LIPA: variants seen among roughly 807,000 people sequenced by gnomAD.
LIPA encodes lysosomal acid lipase/cholesteryl ester hydrolase.
A neutral mutation model predicts 40.6 loss-of-function variants in LIPA; 26 were observed. That is an observed-to-expected ratio of 0.64 (90% CI 0.47 to 0.89). The LOEUF (loss-of-function observed/expected upper bound fraction) is 0.89, where lower values mean the gene tolerates loss of function less well. Ranked by LOEUF, LIPA falls within the 40% of genes least tolerant of loss-of-function variation. LIPA has a pLI of 0.00. For synonymous variants in LIPA, 188 were observed against 168.4 expected (o/e 1.12, Z -0.90); for missense variants, 455 against 479.6 (o/e 0.95, Z 0.48).
At chr10:89,259,026 G>T (rs114370345) in intron 1 of LIPA, among the ~76,000 whole-genome samples, 250 of 152,348 alleles carry the variant, frequency 1.6e-3, no homozygotes, top group African/African-American at 5.7e-3. Flanking sequence ...ATTAGTAGTT[G>T]CCTAGGGATG....
intron 1 of LIPA, among the ~76,000 whole-genome samples, chr10:89,257,102 A>C (rs1016975530): frequency 6.6e-6 from 1 of 152,228 alleles, no homozygotes; most frequent in African/African-American, 2.4e-5. Context: ...GGCTACGAGG[A>C]TCAATAACAA....
chr10:89,280,226 T>A (rs1309762566), intron 1 of LIPA, among the ~76,000 whole-genome samples: 1 of 152,062 alleles, frequency 6.6e-6, no homozygotes, highest in Non-Finnish European at 1.5e-5. Context: ...TACTGATGAA[T>A]TTATAATATA....
chr10:89,386,554 T>A (rs563995938), intron 2 of LIPA, among the ~76,000 whole-genome samples: 4 of 152,326 alleles, frequency 2.6e-5, no homozygotes, highest in Admixed American at 1.3e-4. Flanking sequence ...GAGATTTGCC[T>A]CCATTCATGG....
intron 3 of LIPA, among the ~76,000 whole-genome samples, chr10:89,241,244 G>A (rs185577974): frequency 4.3e-4 from 65 of 152,286 alleles, no homozygotes; most frequent in African/African-American, 1.5e-3. Context: ...TATGAGATAA[G>A]CTGTACAGCT....
upstream of LIPA, among the ~76,000 whole-genome samples, chr10:89,253,308 C>A (rs1305829497): frequency 1.3e-5 from 2 of 152,216 alleles, no homozygotes; most frequent in African/African-American, 2.4e-5. Context: ...CACAGTTTCA[C>A]AGGACTGGGG....
chr10:89,295,006 G>C (rs1448572504), intron 1 of LIPA, among the ~76,000 whole-genome samples: 2 of 131,880 alleles, frequency 1.5e-5, no homozygotes, highest in African/African-American at 5.6e-5. Context: ...AGGAAGAAAG[G>C]AAAGGAAATG....
chr10:89,413,889 T>C lies in LIPA; in HGVS notation c.-72+518A>G, dbSNP rs369134678. On this transcript the variant is annotated intron_variant, in intron 1 of 8. Transcript: ENST00000371837. ...GTGTCTGTTTTCTTTATTGTTATAT[T>C]GACAGTACTTTGAACAAAGTCTGGC... 1.8e-4 allele frequency among the ~76,000 whole-genome samples: 28 copies of C among 152,370 alleles called. No homozygotes were observed. In the East Asian group the frequency reaches 5.4e-3, roughly 29 times the overall value.
chr10:89,303,597 G>T (rs755203830), intron 1 of LIPA, among the ~76,000 whole-genome samples: 5 of 152,182 alleles, frequency 3.3e-5, no homozygotes, highest in Non-Finnish European at 7.3e-5. Context: ...AGTGAAGTTG[G>T]ATGCCTTTTA....
intron 1 of LIPA, chr10:89,292,012 G>C (rs1180182580): frequency 6.6e-6 from 1 of 152,206 alleles, no homozygotes; most frequent in East Asian, 1.9e-4. Context: ...AGAGTCACAG[G>C]ATGGAAGAAC....
chr10:89,338,724 C>T (rs1268975399), intron 1 of LIPA: 1 of 1,613,680 alleles, frequency 6.2e-7, no homozygotes, highest in Non-Finnish European at 8.5e-7. Flanking sequence ...TCACCTGGAA[C>T]TTATTCAAGG....
upstream of LIPA, among the ~76,000 whole-genome samples, chr10:89,256,540 A>G (rs904650434): frequency 1.3e-5 from 2 of 152,254 alleles, no homozygotes; most frequent in African/African-American, 4.8e-5. Context: ...TGCCAATGAC[A>G]GCTTAAGTGA....
chr10:89,327,261 C>T (rs898607472), intron 1 of LIPA, among the ~76,000 whole-genome samples: 6 of 152,104 alleles, frequency 3.9e-5, no homozygotes, highest in African/African-American at 1.2e-4. Flanking sequence ...TTAAAAAGAG[C>T]ATGTTCTGGC....
chr10:89,269,595 C>T (rs571467667), intron 1 of LIPA, among the ~76,000 whole-genome samples: 7 of 152,202 alleles, frequency 4.6e-5, no homozygotes, highest in African/African-American at 1.7e-4. Flanking sequence ...TTTAAGATGA[C>T]ATGAAAGTTT....
At chr10:89,414,418 G>C (rs7095488) in exon 1 of LIPA, 7,857 of 227,656 alleles carry the variant, frequency 0.035, 200 homozygotes, top group South Asian at 0.12. Flanking sequence ...CAGGGAGGCA[G>C]ATAAAAGCCG....
At chr10:89,267,228 T>C (rs956845549) in intron 1 of LIPA, among the ~76,000 whole-genome samples, 2 of 152,184 alleles carry the variant, frequency 1.3e-5, no homozygotes, top group Admixed American at 6.5e-5. Flanking sequence ...AAACAGACTA[T>C]TTAACAGTTG....
At chr10:89,323,523 T>C (rs1440604644) in intron 1 of LIPA, among the ~76,000 whole-genome samples, 2 of 151,868 alleles carry the variant, frequency 1.3e-5, no homozygotes, top group Non-Finnish European at 2.9e-5. Flanking sequence ...TTTGATTGCA[T>C]ACCTAGAAAA....
intron 2 of LIPA, among the ~76,000 whole-genome samples, chr10:89,348,087 T>A (rs144902590): frequency 4.8e-4 from 73 of 152,346 alleles, no homozygotes; most frequent in Middle Eastern, 3.4e-3. Context: ...GTTTTCTGGA[T>A]GGAAAGTTCC....
At chr10:89,299,508 C>T (rs913544341) in intron 1 of LIPA, among the ~76,000 whole-genome samples, 5 of 152,106 alleles carry the variant, frequency 3.3e-5, no homozygotes, top group Admixed American at 2.6e-4. Flanking sequence ...GCCCAGCAAT[C>T]CCCAATCAGA....
chr10:89,228,461 G>C (rs530040889), intron 3 of LIPA, 63 bp from the exon 4 acceptor site: 1 of 1,314,158 alleles, frequency 7.6e-7, no homozygotes, highest in South Asian at 1.2e-5. Context: ...ATGATATCTT[G>C]CTAAATAGAA....
Sources: gnomAD v4.1 joint callset for allele counts (sites outside exome capture counted in the v4.1 genomes callset) on GRCh38, gnomAD v4.1.1 for gene constraint, MANE v1.5 for transcripts, NCBI Gene and HGNC (gene_info 2026-07-23, HGNC 2026-07-21) for gene names.